Variants in DOCK7 observed in about 807,000 individuals in gnomAD.
DOCK7 encodes dedicator of cytokinesis protein 7.
DOCK7 carries 138 observed loss-of-function variants against 271.0 expected under a neutral mutation model. That is an observed-to-expected ratio of 0.51 (90% CI 0.44 to 0.59). The LOEUF is 0.59. DOCK7 is among the 20% of genes least tolerant of loss of function. The pLI is 0.00. For synonymous variants in DOCK7, 823 were observed against 876.1 expected (o/e 0.94, Z 1.07); for missense variants, 2,066 against 2,592.4 (o/e 0.80, Z 4.41).
At chr1:62,455,871 C>T (rs1307973965) in intron 49 of DOCK7, among the ~76,000 whole-genome samples, 1 of 152,098 alleles carries the variant, frequency 6.6e-6, no homozygotes, top group Non-Finnish European at 1.5e-5. Context: ...TTATTGAGAA[C>T]CCCAGGAATC....
chr1:62,615,650 T>C (rs760923874), intron 14 of DOCK7, among the ~76,000 whole-genome samples: 2 of 151,758 alleles, frequency 1.3e-5, no homozygotes, highest in Non-Finnish European at 3.0e-5. Context: ...GCTTAGCAAG[T>C]TCTATTATTC....
chr1:62,623,934 T>C (rs1653600550), intron 12 of DOCK7, among the ~76,000 whole-genome samples: 2 of 152,222 alleles, frequency 1.3e-5, no homozygotes. Flanking sequence ...CCCTCAATTC[T>C]TGCCCTCTCA....
rs917865432 is a variant in DOCK7 at position 62,647,638 on chromosome 1, T to C, written c.818+53A>G. On this transcript the variant is annotated intron_variant, in intron 7 of 49. Transcript: ENST00000635253. ...TACTCAGATTTTGTTACATCACTAC[T>C]AAAATTTTATCCTGGAAAATAAAAG... 5 of 1,350,518 alleles carry C rather than the reference T, an allele frequency of 3.7e-6. No individual in the cohort carries two copies. The African/African-American group carries it at 7.4e-5, about 20-fold the overall frequency. 83.7% of individuals were successfully genotyped at this position (1,350,518 alleles called of 1,614,324 possible).
At chr1:62,466,511 T>C (rs1342742826) in intron 48 of DOCK7, among the ~76,000 whole-genome samples, 1 of 152,154 alleles carries the variant, frequency 6.6e-6, no homozygotes, top group Non-Finnish European at 1.5e-5. Flanking sequence ...GTCCATGAAG[T>C]CAAGAAGTAT....
chr1:62,666,473 C>A (rs1486368054), intron 1 of DOCK7, among the ~76,000 whole-genome samples: 1 of 152,100 alleles, frequency 6.6e-6, no homozygotes, highest in East Asian at 1.9e-4. Flanking sequence ...GCAACAAGAA[C>A]CATTTCCAAA....
chr1:62,602,186 T>C, intron 14 of DOCK7: 2 of 991,340 alleles, frequency 2.0e-6, no homozygotes, highest in South Asian at 2.7e-5. Flanking sequence ...TAAACTACCT[T>C]ACAAAACCAC....
intron 31 of DOCK7, among the ~76,000 whole-genome samples, chr1:62,527,909 T>C (rs1231853147): frequency 4.0e-5 from 6 of 150,246 alleles, no homozygotes; most frequent in Non-Finnish European, 8.9e-5. Context: ...CTATCTATAA[T>C]GAGGCAATTT....
At chr1:62,600,280 T>C (rs1169655775) in intron 14 of DOCK7, among the ~76,000 whole-genome samples, 5 of 151,726 alleles carry the variant, frequency 3.3e-5, no homozygotes, top group Non-Finnish European at 7.4e-5. Context: ...CTTTCTCATA[T>C]TTAAATTAAA....
At chr1:62,580,939 G>A (rs1012701285) in intron 16 of DOCK7, among the ~76,000 whole-genome samples, 1 of 152,128 alleles carries the variant, frequency 6.6e-6, no homozygotes, top group African/African-American at 2.4e-5. Context: ...AAGCTTTATT[G>A]GAACACAGCT....
intron 31 of DOCK7, among the ~76,000 whole-genome samples, chr1:62,527,527 T>C (rs1334183429): frequency 3.9e-5 from 6 of 152,092 alleles, no homozygotes; most frequent in Non-Finnish European, 7.4e-5. Flanking sequence ...TGGAATACTA[T>C]GCAGCCATAA....
intron 4 of DOCK7, among the ~76,000 whole-genome samples, chr1:62,650,537 T>C (rs527408453): frequency 2.0e-5 from 3 of 152,120 alleles, no homozygotes; most frequent in South Asian, 4.2e-4. Context: ...ATTTTTGCAA[T>C]CTACTCATCT....
intron 29 of DOCK7, among the ~76,000 whole-genome samples, chr1:62,533,970 C>G (rs955036366): frequency 6.6e-6 from 1 of 151,648 alleles, no homozygotes; most frequent in African/African-American, 2.4e-5. Context: ...GATGGACATA[C>G]CTCATATGGG....
In DOCK7 at chr1:62,561,711, A is replaced by G; in HGVS notation, c.2113-8T>C. ...CATGCCAGGTAGAGGAACCTGTAAG[A>G]TATTAAATATAATGATCACAGATGC... On this transcript the variant is annotated splice_polypyrimidine_tract_variant and splice_region_variant and intron_variant, in intron 18 of 49. Coordinates refer to ENST00000635253, the MANE Select transcript of DOCK7 (RefSeq NM_001367561.1). The G allele has an allele frequency of 2.0e-6, 3 of 1,508,782 alleles. No homozygotes were observed. Among genetic ancestry groups the G allele is most frequent in the Non-Finnish European group, 2.7e-6 (3 of 1,129,804 alleles). 93.5% of individuals were successfully genotyped at this position (1,508,782 alleles called of 1,614,324 possible).
chr1:62,527,918 T>TCAGA (rs1302451076), intron 31 of DOCK7, among the ~76,000 whole-genome samples: 1 of 151,812 alleles, frequency 6.6e-6, no homozygotes, highest in Non-Finnish European at 1.5e-5. Flanking sequence ...ATGAGGCAAT[T>TCAGA]TTCCAAATTC....
At chr1:62,575,667 T>C (rs1646922781) in intron 18 of DOCK7, among the ~76,000 whole-genome samples, 1 of 152,204 alleles carries the variant, frequency 6.6e-6, no homozygotes, top group South Asian at 2.1e-4. Context: ...CTTACTGCCA[T>C]GTTGTTTAAG....
At chr1:62,679,834 T>C (rs1298519793) in intron 1 of DOCK7, among the ~76,000 whole-genome samples, 1 of 152,158 alleles carries the variant, frequency 6.6e-6, no homozygotes, top group African/African-American at 2.4e-5. Flanking sequence ...TTACAAGGGA[T>C]GTGAAGGACC....
intron 11 of DOCK7, among the ~76,000 whole-genome samples, chr1:62,626,485 A>T (rs1176684554): frequency 6.6e-6 from 1 of 151,946 alleles, no homozygotes; most frequent in Non-Finnish European, 1.5e-5. Context: ...TTTAGCTAAA[A>T]TGATGAACCA....
intron 29 of DOCK7, among the ~76,000 whole-genome samples, chr1:62,530,215 A>T (rs1645133349): frequency 6.6e-6 from 1 of 152,158 alleles, no homozygotes; most frequent in Non-Finnish European, 1.5e-5. Context: ...ACAACAGAAG[A>T]CCTTACTTCC....
chr1:62,647,590 G>A (rs1307672649), intron 7 of DOCK7, 101 bp downstream of exon 7: 4 of 774,332 alleles, frequency 5.2e-6, no homozygotes, highest in African/African-American at 1.8e-5. Flanking sequence ...TTCTCAAAAG[G>A]ACACAAATGC....
Sources: allele counts gnomAD v4.1 joint callset (sites outside exome capture counted in the v4.1 genomes callset), GRCh38; gene constraint gnomAD v4.1.1; transcripts MANE v1.5; gene names NCBI Gene and HGNC (gene_info 2026-07-23, HGNC 2026-07-21).